Variants in NRG3 observed in about 807,000 individuals in gnomAD.
NRG3 encodes neuregulin 3, also known as pro-neuregulin-3, membrane-bound isoform.
NRG3 carries 31 observed loss-of-function variants against 66.9 expected under a neutral mutation model. That is an observed-to-expected ratio of 0.46 (90% CI 0.35 to 0.63). NRG3 has a LOEUF of 0.63. NRG3 is among the 20% of genes least tolerant of loss of function. NRG3 has a pLI of 0.00. For synonymous variants in NRG3, 393 were observed against 359.4 expected, an observed-to-expected ratio of 1.09 and a Z score of -1.06; for missense variants, 910 against 878.9, an observed-to-expected ratio of 1.04 and a Z score of -0.45.
chr10:82,666,718 C>T lies in NRG3; in HGVS notation c.954-71859C>T, dbSNP rs533200936. Among the ~76,000 whole-genome samples the T allele has an allele frequency of 1.3e-4, 20 of 152,354 alleles. No homozygotes were observed. The South Asian group carries it at 4.1e-3, about 32-fold the overall frequency. Reference sequence around the variant, plus strand: ...TCTTTACAAACTGCAGATCTGACTTCTATCCCAATTCTGACCCTTTATCCT... The same window carrying T: ...TCTTTACAAACTGCAGATCTGACTTTTATCCCAATTCTGACCCTTTATCCT... On this transcript the variant is annotated intron_variant, in intron 2 of 8. Coordinates refer to ENST00000372141, the MANE Select transcript of NRG3 (RefSeq NM_001010848.4).
intron 3 of NRG3, among the ~76,000 whole-genome samples, chr10:82,851,724 A>G (rs960738156): frequency 4.8e-5 from 6 of 125,152 alleles, no homozygotes; most frequent in African/African-American, 2.1e-4. Flanking sequence ...TCGAAAGTCC[A>G]TGAAGCTATA....
chr10:82,880,902 G>A (rs541469448), intron 4 of NRG3, among the ~76,000 whole-genome samples: 1 of 152,280 alleles, frequency 6.6e-6, no homozygotes, highest in Admixed American at 6.5e-5. Flanking sequence ...GCACAGTAAG[G>A]AGTGGCTCCC....
intron 1 of NRG3, among the ~76,000 whole-genome samples, chr10:82,190,629 C>T (rs1159448296): frequency 6.6e-6 from 1 of 152,110 alleles, no homozygotes; most frequent in African/African-American, 2.4e-5. Flanking sequence ...CAAGCTTTCC[C>T]ACTGGCTCTG....
intron 2 of NRG3, among the ~76,000 whole-genome samples, chr10:82,508,791 A>G (rs1195908296): frequency 2.0e-5 from 3 of 152,182 alleles, no homozygotes; most frequent in Admixed American, 2.0e-4. Context: ...AAATCAGTAT[A>G]ATAGTCACCC....
intron 2 of NRG3, among the ~76,000 whole-genome samples, chr10:82,387,729 C>G (rs2086099687): frequency 6.6e-6 from 1 of 152,100 alleles, no homozygotes; most frequent in Non-Finnish European, 1.5e-5. Context: ...CACCCACCAT[C>G]TTTGTTCTAG....
chr10:81,902,806 A>G (rs1564644359), intron 1 of NRG3, among the ~76,000 whole-genome samples: 1 of 152,158 alleles, frequency 6.6e-6, no homozygotes, highest in Non-Finnish European at 1.5e-5. Context: ...CTGCCTCTCT[A>G]GGATTAAAAT....
At chr10:82,057,710 CCTT>C (rs1202805227) in intron 1 of NRG3, among the ~76,000 whole-genome samples, 4 of 152,078 alleles carry the variant, frequency 2.6e-5, no homozygotes, top group Non-Finnish European at 5.9e-5. Context: ...AGAGAGTTCT[CCTT>C]CTCCTTCACT....
intron 1 of NRG3, among the ~76,000 whole-genome samples, chr10:82,166,244 C>T (rs1250933632): frequency 6.6e-6 from 1 of 152,134 alleles, no homozygotes; most frequent in Non-Finnish European, 1.5e-5. Flanking sequence ...GTCTCTAACT[C>T]CTGACCTCAG....
At chr10:82,925,588 C>T (rs894434593) in intron 4 of NRG3, among the ~76,000 whole-genome samples, 1 of 152,230 alleles carries the variant, frequency 6.6e-6, no homozygotes, top group Non-Finnish European at 1.5e-5. Flanking sequence ...AATGCTACTC[C>T]TGTCTTCTTA....
rs1436131541 is a variant in NRG3, at chr10:81,922,031, T to G, written c.823+45868T>G. On this transcript the variant is annotated intron_variant, in intron 1 of 8. Coordinates refer to ENST00000372141, the MANE Select transcript of NRG3 (RefSeq NM_001010848.4). The stretch of plus-strand genomic sequence containing the variant: ...GTGTTTGCATTTTATCCTTGTCTCA[T>G]TTCTTGATTTAAATGGAATGCCCCA... 3.9e-5 allele frequency among the ~76,000 whole-genome samples: 6 copies of G among 152,264 alleles called. No homozygotes were observed. The East Asian group carries it at 1.2e-3, about 29-fold the overall frequency.
chr10:82,849,546 G>A (rs948512304), intron 3 of NRG3, among the ~76,000 whole-genome samples: 22 of 152,190 alleles, frequency 1.4e-4, no homozygotes, highest in African/African-American at 5.1e-4. Flanking sequence ...AAATTGTTAG[G>A]AGTAAAGAAA....
At chr10:81,983,205 C>T (rs1038741228) in intron 1 of NRG3, among the ~76,000 whole-genome samples, 9 of 152,132 alleles carry the variant, frequency 5.9e-5, no homozygotes, top group Non-Finnish European at 1.0e-4. Flanking sequence ...AACATAGAGT[C>T]TGTGATCATA....
chr10:82,506,175 G>C (rs1198791294), intron 2 of NRG3, among the ~76,000 whole-genome samples: 3 of 152,194 alleles, frequency 2.0e-5, no homozygotes, highest in African/African-American at 7.2e-5. Flanking sequence ...TTGAACGTGG[G>C]AGGCAGAGGT....
At chr10:82,302,724 C>G (rs1019592800) in intron 1 of NRG3, among the ~76,000 whole-genome samples, 5 of 152,162 alleles carry the variant, frequency 3.3e-5, no homozygotes, top group Non-Finnish European at 5.9e-5. Flanking sequence ...AGCCAGGACT[C>G]AATTTCACGA....
chr10:82,538,977 C>A (rs1412994105), intron 2 of NRG3, among the ~76,000 whole-genome samples: 1 of 152,186 alleles, frequency 6.6e-6, no homozygotes, highest in African/African-American at 2.4e-5. Context: ...GTTAGATCTT[C>A]ATTGCTCAGG....
chr10:82,692,434 G>T (rs2055012120), intron 2 of NRG3, among the ~76,000 whole-genome samples: 1 of 152,124 alleles, frequency 6.6e-6, no homozygotes, highest in Admixed American at 6.5e-5. Context: ...CCTTAGCTCA[G>T]CTAATCTGGG....
intron 2 of NRG3, among the ~76,000 whole-genome samples, chr10:82,607,674 C>T (rs919683442): frequency 1.3e-5 from 2 of 151,864 alleles, no homozygotes; most frequent in African/African-American, 4.8e-5. Context: ...TTTCTGCCTT[C>T]TCTGGTTTTA....
chr10:82,367,647 T>G (rs2084628814), intron 2 of NRG3, among the ~76,000 whole-genome samples: 1 of 152,218 alleles, frequency 6.6e-6, no homozygotes, highest in Non-Finnish European at 1.5e-5. Flanking sequence ...CTAATAATTC[T>G]TATTTGGTCT....
intron 1 of NRG3, among the ~76,000 whole-genome samples, chr10:82,025,979 G>A (rs12781306): frequency 0.2 from 30,605 of 151,946 alleles, 3,257 homozygotes; most frequent in African/African-American, 0.24. Context: ...GAGCAAACAA[G>A]CATATACAAC....
Sources: gnomAD v4.1 joint callset for allele counts (sites outside exome capture counted in the v4.1 genomes callset) on GRCh38, gnomAD v4.1.1 for gene constraint, MANE v1.5 for transcripts, NCBI Gene and HGNC (gene_info 2026-07-23, HGNC 2026-07-21) for gene names.